The following SLC35F3 variants were observed in gnomAD, a reference collection of about 807,000 sequenced individuals.
The protein encoded by SLC35F3 is putative thiamine transporter SLC35F3.
SLC35F3 carries 25 observed loss-of-function variants against 49.9 expected under a neutral mutation model. The observed-to-expected ratio is 0.50, with a 90% CI of 0.37 to 0.70. The LOEUF (loss-of-function observed/expected upper bound fraction) is 0.70. SLC35F3 is among the 30% of genes least tolerant of loss of function. The pLI, the probability that SLC35F3 is intolerant of heterozygous loss-of-function variation, is 0.00. For missense variants in SLC35F3, 525 were observed against 639.8 expected, an observed-to-expected ratio of 0.82 and a Z score of 1.94; for synonymous variants, 275 against 265.4, an observed-to-expected ratio of 1.04 and a Z score of -0.35.
In SLC35F3 at chr1:234,035,513, A is replaced by G. The variant is rs561498538; in HGVS notation, c.283+129755A>G. Among the ~76,000 whole-genome samples the G allele has an allele frequency of 2.3e-4, 35 of 152,278 alleles. 1 individual carries two copies. The South Asian group carries it at 6.8e-3, about 30-fold the overall frequency. On this transcript the variant is annotated intron_variant, in intron 2 of 7. Coordinates refer to ENST00000366618, the MANE Select transcript of SLC35F3 (RefSeq NM_173508.4). ...AACTCAGATGTTTCAGTTTTAGTAA[A>G]TCTTCTTGAATTGTATTATAAATAA...
At chr1:234,268,480 G>GGGAGAGGGAGA (rs1558092241) in intron 3 of SLC35F3, 7 of 151,270 alleles carry the variant, frequency 4.6e-5, no homozygotes, top group African/African-American at 1.7e-4. Context: ...GGAGAGGGAG[G>GGGAGAGGGAGA]GGGAGAGGGA....
chr1:234,219,346 C>T (rs1053555077), intron 2 of SLC35F3, among the ~76,000 whole-genome samples: 6 of 152,170 alleles, frequency 3.9e-5, no homozygotes, highest in African/African-American at 1.4e-4. Flanking sequence ...AGAGTTTCCC[C>T]AAACCCAAAA....
chr1:233,958,779 A>T (rs1162721125), intron 2 of SLC35F3, among the ~76,000 whole-genome samples: 1 of 152,254 alleles, frequency 6.6e-6, no homozygotes. Flanking sequence ...AGAGTTAAAG[A>T]TTAGTTCCAA....
At chr1:234,154,457 C>G (rs1666121215) in intron 2 of SLC35F3, among the ~76,000 whole-genome samples, 1 of 152,274 alleles carries the variant, frequency 6.6e-6, no homozygotes, top group South Asian at 2.1e-4. Flanking sequence ...GTGAGCATTC[C>G]TCACCCACTA....
At chr1:234,179,294 T>G (rs1054882170) in intron 2 of SLC35F3, among the ~76,000 whole-genome samples, 2 of 152,178 alleles carry the variant, frequency 1.3e-5, no homozygotes, top group Admixed American at 6.5e-5. Context: ...TGGAAAGCAT[T>G]TAAGACAAAG....
intron 2 of SLC35F3, among the ~76,000 whole-genome samples, chr1:233,926,889 G>T (rs950070165): frequency 1.3e-5 from 2 of 152,078 alleles, no homozygotes; most frequent in African/African-American, 4.8e-5. Context: ...CTAACAGTCA[G>T]GACCCTCAGC....
intron 2 of SLC35F3, among the ~76,000 whole-genome samples, chr1:233,981,455 G>A (rs1364044267): frequency 6.6e-6 from 1 of 152,144 alleles, no homozygotes; most frequent in Non-Finnish European, 1.5e-5. Flanking sequence ...CTCAGCAGAA[G>A]GTCCTGGAGA....
At chr1:234,268,000 AT>A (rs1668024829) in intron 3 of SLC35F3, among the ~76,000 whole-genome samples, 1 of 138,464 alleles carries the variant, frequency 7.2e-6, no homozygotes, top group South Asian at 2.8e-4. Flanking sequence ...GGCTCCTCAC[AT>A]CCCAGACGAT....
chr1:234,285,786 G>C (rs991762727), intron 3 of SLC35F3, among the ~76,000 whole-genome samples: 17 of 152,202 alleles, frequency 1.1e-4, no homozygotes, highest in Non-Finnish European at 8.8e-5. Flanking sequence ...GGTAGCGGGA[G>C]AATGTGTGGT....
At chr1:233,949,575 G>T (rs543472157) in intron 2 of SLC35F3, among the ~76,000 whole-genome samples, 1 of 152,216 alleles carries the variant, frequency 6.6e-6, no homozygotes, top group Non-Finnish European at 1.5e-5. Flanking sequence ...TGGATCAAGT[G>T]GCTAGTGAGA....
intron 2 of SLC35F3, among the ~76,000 whole-genome samples, chr1:233,926,641 C>T (rs1301217662): frequency 6.6e-5 from 10 of 152,190 alleles, no homozygotes; most frequent in Admixed American, 6.5e-4. Flanking sequence ...TCTGTCAACT[C>T]ATCAAAGTCA....
Position 234,214,445 on chromosome 1 carries a change from G to T in SLC35F3, c.284-16972G>T. The stretch of plus-strand genomic sequence containing the variant: ...GGCCCGGGAGAGACGCGCTCCAGCC[G>T]GCCCCAGGATGTAGGCGATCGGCGG... On this transcript the variant is annotated intron_variant, in intron 2 of 7. Coordinates refer to ENST00000366618, the MANE Select transcript of SLC35F3 (RefSeq NM_173508.4). This position sits in a 1 kb window ranked among gnomAD's most constrained non-coding sequence, Gnocchi z 8.0. The T allele has an allele frequency of 2.0e-6, 3 of 1,491,878 alleles. No individual in the cohort carries two copies. The highest frequency in any genetic ancestry group is 2.7e-6 in the Non-Finnish European group (3 of 1,119,166). The allele number at this position is 1,491,878 out of a possible 1,614,324, so 92.4% of individuals were successfully genotyped here.
chr1:234,125,503 G>A (rs1223417819), intron 2 of SLC35F3, among the ~76,000 whole-genome samples: 1 of 152,244 alleles, frequency 6.6e-6, no homozygotes, highest in South Asian at 2.1e-4. Flanking sequence ...GGCTGCACCT[G>A]CTGTCAGTGA....
intron 2 of SLC35F3, among the ~76,000 whole-genome samples, chr1:233,961,726 G>A (rs12039618): frequency 0.047 from 7,150 of 152,190 alleles, 257 homozygotes; most frequent in East Asian, 0.17. Flanking sequence ...AAAGTGCTAG[G>A]ATTATAGGCG....
chr1:234,205,195 C>A (rs947235907), intron 2 of SLC35F3, among the ~76,000 whole-genome samples: 22 of 152,176 alleles, frequency 1.4e-4, no homozygotes, highest in Admixed American at 1.4e-3. Context: ...AGTGAGTTCC[C>A]AGGACAGTTC....
chr1:233,976,269 A>G (rs928252942), intron 2 of SLC35F3, among the ~76,000 whole-genome samples: 20 of 152,334 alleles, frequency 1.3e-4, no homozygotes, highest in African/African-American at 4.1e-4. Flanking sequence ...AGAAATTGTC[A>G]CTGATCCTAC....
intron 2 of SLC35F3, among the ~76,000 whole-genome samples, chr1:234,034,775 GGC>G (rs1282406802): frequency 3.9e-5 from 6 of 152,194 alleles, no homozygotes; most frequent in African/African-American, 1.4e-4. Context: ...CACCTACCTT[GGC>G]TTCCCAAAGT....
intron 2 of SLC35F3, among the ~76,000 whole-genome samples, chr1:234,055,885 A>C (rs1317640489): frequency 5.3e-5 from 8 of 152,182 alleles, no homozygotes; most frequent in Admixed American, 4.6e-4. Context: ...TTTCTTTTAA[A>C]ATATTTTATA....
At chr1:234,090,971 A>G (rs1169102843) in intron 2 of SLC35F3, among the ~76,000 whole-genome samples, 1 of 152,194 alleles carries the variant, frequency 6.6e-6, no homozygotes, top group Non-Finnish European at 1.5e-5. Flanking sequence ...ATTTTCTTCA[A>G]GGGTTCCTGA....
Sources: allele counts gnomAD v4.1 joint callset (sites outside exome capture counted in the v4.1 genomes callset), GRCh38; gene constraint gnomAD v4.1.1; non-coding constraint Gnocchi (gnomAD v3.1); transcripts MANE v1.5; gene names NCBI Gene and HGNC (gene_info 2026-07-23, HGNC 2026-07-21).